Variants in AUTS2 observed in about 807,000 individuals in gnomAD.
The protein encoded by AUTS2 is activator of transcription and developmental regulator AUTS2.
In AUTS2, 17 loss-of-function variants were observed where a neutral mutation model predicts 112.4. That is an observed-to-expected ratio of 0.15 (90% CI 0.10 to 0.23). The LOEUF (loss-of-function observed/expected upper bound fraction) is 0.23, where lower values mean the gene tolerates loss of function less well. Among genes scored for constraint, AUTS2 ranks in the 10% least tolerant of loss-of-function variants. The probability of loss-of-function intolerance (pLI) is 1.00; values close to 1 mark genes in which losing one functional copy is unlikely to be tolerated. For missense variants in AUTS2, 1,510 were observed against 1,701.6 expected, an observed-to-expected ratio of 0.89 and a Z score of 1.98; for synonymous variants, 751 against 702.7, an observed-to-expected ratio of 1.07 and a Z score of -1.09.
chr7:69,742,943 C>G (rs1787330677), intron 1 of AUTS2, among the ~76,000 whole-genome samples: 1 of 152,140 alleles, frequency 6.6e-6, no homozygotes, highest in Non-Finnish European at 1.5e-5. Flanking sequence ...TTCCCCAGAT[C>G]CACAGAAAAG....
At chr7:69,876,344 A>T (rs1793749955) in intron 1 of AUTS2, among the ~76,000 whole-genome samples, 1 of 79,924 alleles carries the variant, frequency 1.3e-5, no homozygotes, top group Non-Finnish European at 2.4e-5. Context: ...AAAAAAAAAA[A>T]AAAAAATATA....
intron 1 of AUTS2, among the ~76,000 whole-genome samples, chr7:69,791,544 A>G (rs1444837649): frequency 6.6e-6 from 1 of 152,228 alleles, no homozygotes; most frequent in Non-Finnish European, 1.5e-5. Context: ...ATTTATGGCT[A>G]AAATGTGGGA....
chr7:70,416,192 T>G (rs1562945039), intron 4 of AUTS2, among the ~76,000 whole-genome samples: 1 of 152,252 alleles, frequency 6.6e-6, no homozygotes, highest in Admixed American at 6.5e-5. Context: ...AAGGAAGATA[T>G]GTGCAATTTG....
intron 5 of AUTS2, among the ~76,000 whole-genome samples, chr7:70,586,751 C>T (rs1285590605): frequency 1.3e-5 from 2 of 152,158 alleles, no homozygotes; most frequent in East Asian, 3.9e-4. Flanking sequence ...TGTTCAATCC[C>T]ATTCAGTTTG....
chr7:70,594,185 C>G (rs1195724270), intron 5 of AUTS2, among the ~76,000 whole-genome samples: 1 of 152,174 alleles, frequency 6.6e-6, no homozygotes, highest in Non-Finnish European at 1.5e-5. Flanking sequence ...CTTTTTGATA[C>G]ACGGTGCAAC....
Position 70,235,229 on chromosome 7 carries a change from G to A in AUTS2, c.660+100658G>A, listed in dbSNP as rs113996182. Among the ~76,000 whole-genome samples, 829 of 152,030 alleles carry A rather than the reference G, an allele frequency of 5.5e-3. 5 individuals carry two copies. Among genetic ancestry groups the A allele is most frequent in the African/African-American group, 0.019 (772 of 41,452 alleles). ...GCTCACTGTAACCTGGAACTCCTGG[G>A]CTCAAGTGGTCCTTCTGCTTCAGCC... On this transcript the variant is annotated intron_variant, in intron 4 of 18. Transcript: ENST00000342771.
chr7:69,893,323 A>G lies in AUTS2; in HGVS notation c.310-5963A>G, dbSNP rs76314927. ...TCCAAAGTTGGGGACTGTTGTGAAC[A>G]TATCTATCTAGTTACTAGTTTTCTA... On this transcript the variant is annotated intron_variant, in intron 1 of 18. Coordinates refer to ENST00000342771, the MANE Select transcript of AUTS2 (RefSeq NM_015570.4). Among the ~76,000 whole-genome samples the G allele has an allele frequency of 2.9e-3, 445 of 152,306 alleles. 5 individuals are homozygous for G. Among genetic ancestry groups the G allele is most frequent in the African/African-American group, 0.01 (431 of 41,574 alleles).
Position 70,790,673 on chromosome 7 carries a change from G to C in AUTS2, c.3457G>C (p.Glu1153Gln). 1 of 1,613,554 alleles carries C rather than the reference G, an allele frequency of 6.2e-7. No homozygotes were observed. Among genetic ancestry groups the C allele is most frequent in the Non-Finnish European group, 8.5e-7 (1 of 1,179,918 alleles). ...HERGGHLDER[E>Q]RLHMLREDYE... ...GCGGGGAGGCCACCTGGACGAGCGG[G>C]AGCGCTTGCACATGCTCAGAGAAGA... Residue 1153 changes from glutamate to glutamine, a missense_variant, in exon 19 of 19, where the codon GAG (glutamate) becomes CAG (glutamine). This residue lies in a region of AUTS2 where 788 missense variants were observed against 797.6 expected (regional missense o/e 0.99). Transcript: ENST00000342771. The surrounding 1 kb of genome is among the most constrained non-coding windows in gnomAD (Gnocchi z 7.6).
chr7:70,625,884 C>A (rs1191307289), intron 5 of AUTS2, among the ~76,000 whole-genome samples: 1 of 151,936 alleles, frequency 6.6e-6, no homozygotes, highest in African/African-American at 2.4e-5. Context: ...ATCTGAAGAC[C>A]TTTTTTTATT....
chr7:70,683,428 G>A (rs1808305469), intron 5 of AUTS2, among the ~76,000 whole-genome samples: 2 of 152,194 alleles, frequency 1.3e-5, no homozygotes, highest in African/African-American at 4.8e-5. Flanking sequence ...ATGGTGGTGT[G>A]TAAGAGTACA....
At chr7:69,853,995 GTTCCC>G (rs1792606233) in intron 1 of AUTS2, among the ~76,000 whole-genome samples, 1 of 152,024 alleles carries the variant, frequency 6.6e-6, no homozygotes, top group Non-Finnish European at 1.5e-5. Flanking sequence ...ATTTTATGAG[GTTCCC>G]TTATAGGAAT....
intron 4 of AUTS2, among the ~76,000 whole-genome samples, chr7:70,327,980 T>C (rs1790568792): frequency 6.6e-6 from 1 of 152,140 alleles, no homozygotes; most frequent in African/African-American, 2.4e-5. Flanking sequence ...TATCCCCCAG[T>C]TGGATCCATG....
intron 5 of AUTS2, among the ~76,000 whole-genome samples, chr7:70,485,465 C>T (rs981746236): frequency 2.0e-5 from 3 of 151,946 alleles, no homozygotes; most frequent in South Asian, 4.2e-4. Flanking sequence ...TTTGGGGACT[C>T]GGGGGAAAGG....
intron 4 of AUTS2, among the ~76,000 whole-genome samples, chr7:70,138,043 A>G (rs549868894): frequency 6.6e-6 from 1 of 152,286 alleles, no homozygotes; most frequent in South Asian, 2.1e-4. Flanking sequence ...CTGTCCACAT[A>G]TTATGGTTGT....
chr7:70,451,226 G>A (rs1438045000), intron 5 of AUTS2, among the ~76,000 whole-genome samples: 1 of 152,010 alleles, frequency 6.6e-6, no homozygotes, highest in African/African-American at 2.4e-5. Flanking sequence ...GAGAGGGAAG[G>A]TAGGGAGGAA....
At chr7:70,133,972 C>G (rs1806410452) in intron 3 of AUTS2, among the ~76,000 whole-genome samples, 1 of 152,164 alleles carries the variant, frequency 6.6e-6, no homozygotes, top group Non-Finnish European at 1.5e-5. Context: ...TTTTAGTCTA[C>G]TAATTACGTT....
At chr7:70,244,526 A>G (rs1250061448) in intron 4 of AUTS2, among the ~76,000 whole-genome samples, 3 of 152,240 alleles carry the variant, frequency 2.0e-5, no homozygotes, top group Admixed American at 1.3e-4. Flanking sequence ...AAAGGATTCA[A>G]TAGTAAAGAT....
intron 2 of AUTS2, among the ~76,000 whole-genome samples, chr7:69,916,529 T>C (rs1795585427): frequency 6.6e-6 from 1 of 152,166 alleles, no homozygotes; most frequent in Non-Finnish European, 1.5e-5. Context: ...GCCTAGATCA[T>C]TCACAAACAT....
At chr7:70,252,199 A>G (rs1373091671) in intron 4 of AUTS2, among the ~76,000 whole-genome samples, 2 of 152,142 alleles carry the variant, frequency 1.3e-5, no homozygotes, top group Non-Finnish European at 2.9e-5. Context: ...TTTCTGAGGA[A>G]CTTTCATACT....
Sources: allele counts gnomAD v4.1 joint callset (sites outside exome capture counted in the v4.1 genomes callset), GRCh38; gene constraint gnomAD v4.1.1; regional missense constraint gnomAD v4.1.1; non-coding constraint Gnocchi (gnomAD v3.1); transcripts MANE v1.5; gene names NCBI Gene and HGNC (gene_info 2026-07-23, HGNC 2026-07-21).